RGS6: variants seen among roughly 807,000 people sequenced by gnomAD.
RGS6 encodes regulator of G-protein signaling 6.
A neutral mutation model predicts 78.5 loss-of-function variants in RGS6; 30 were observed. That is an observed-to-expected ratio of 0.38 (90% CI 0.29 to 0.52). The LOEUF (loss-of-function observed/expected upper bound fraction) is 0.52. Among genes scored for constraint, RGS6 ranks in the 20% least tolerant of loss-of-function variants. The probability of loss-of-function intolerance (pLI) is 0.85; values close to 1 mark genes in which losing one functional copy is unlikely to be tolerated. For missense variants in RGS6, 495 were observed against 609.7 expected (o/e 0.81, Z 1.98); for synonymous variants, 206 against 206.0 (o/e 1.00, Z 0.00).
intron 2 of RGS6, among the ~76,000 whole-genome samples, chr14:72,077,431 A>G (rs1449917871): frequency 6.6e-6 from 1 of 152,090 alleles, no homozygotes; most frequent in African/African-American, 2.4e-5. Flanking sequence ...TAAATGCTAA[A>G]TTTTATGTCA....
At chr14:71,952,180 A>G (rs2092384606) in intron 1 of RGS6, among the ~76,000 whole-genome samples, 1 of 152,160 alleles carries the variant, frequency 6.6e-6, no homozygotes, top group African/African-American at 2.4e-5. Context: ...GATAGTGAGC[A>G]TTCTTGTCTA....
intron 2 of RGS6, among the ~76,000 whole-genome samples, chr14:72,138,664 C>G (rs1362160513): frequency 6.6e-6 from 1 of 151,834 alleles, no homozygotes; most frequent in African/African-American, 2.4e-5. Flanking sequence ...ACAGTGACTC[C>G]CCATCACTCA....
At chr14:72,253,571 A>G (rs2056362437) in intron 2 of RGS6, among the ~76,000 whole-genome samples, 1 of 152,254 alleles carries the variant, frequency 6.6e-6, no homozygotes, top group South Asian at 2.1e-4. Context: ...TTATTTACAA[A>G]CACAGGTCTT....
At chr14:72,105,501 C>A (rs2095615081) in intron 2 of RGS6, among the ~76,000 whole-genome samples, 1 of 152,126 alleles carries the variant, frequency 6.6e-6, no homozygotes, top group South Asian at 2.1e-4. Flanking sequence ...ATTTGCATAA[C>A]CAAGTTTTTT....
chr14:72,574,060 T>A, the RGS6 span, among the ~76,000 whole-genome samples: 1 of 152,154 alleles, frequency 6.6e-6, no homozygotes, highest in Non-Finnish European at 1.5e-5. Context: ...CTATTAGCTA[T>A]CCAGACATGC....
upstream of RGS6, among the ~76,000 whole-genome samples, chr14:71,927,429 A>G (rs1225797753): frequency 6.6e-6 from 1 of 152,114 alleles, no homozygotes; most frequent in African/African-American, 2.4e-5. Flanking sequence ...TCCACTTCAC[A>G]TTGCAAAGAG....
At chr14:72,084,779 C>T (rs935392413) in intron 2 of RGS6, among the ~76,000 whole-genome samples, 1 of 151,530 alleles carries the variant, frequency 6.6e-6, no homozygotes, top group African/African-American at 2.4e-5. Context: ...ATATAAAAAA[C>T]GAAGACACTA....
chr14:72,509,915 G>T (rs1347893773), intron 13 of RGS6, among the ~76,000 whole-genome samples: 1 of 152,182 alleles, frequency 6.6e-6, no homozygotes, highest in Admixed American at 6.5e-5. Context: ...CATTTGAAGG[G>T]CATGCCGGCA....
At chr14:72,098,788 T>TC (rs1486478099) in intron 2 of RGS6, among the ~76,000 whole-genome samples, 1 of 152,210 alleles carries the variant, frequency 6.6e-6, no homozygotes, top group East Asian at 1.9e-4. Context: ...TACTGCATGT[T>TC]CTCCTCTTTC....
chr14:72,363,014 G>A (rs2081765968), intron 3 of RGS6, among the ~76,000 whole-genome samples: 1 of 152,206 alleles, frequency 6.6e-6, no homozygotes, highest in South Asian at 2.1e-4. Flanking sequence ...TGTGTGGTTG[G>A]AGTTTAAAAC....
the RGS6 span, among the ~76,000 whole-genome samples, chr14:71,909,574 C>CTTAG: frequency 5.9e-5 from 1 of 16,928 alleles, no homozygotes; most frequent in Admixed American, 6.2e-4. Context: ...GAAATAAGGA[C>CTTAG]ATAGAGAGAG....
At chr14:72,059,455 C>T (rs1342493990) in intron 2 of RGS6, among the ~76,000 whole-genome samples, 1 of 152,212 alleles carries the variant, frequency 6.6e-6, no homozygotes, top group Non-Finnish European at 1.5e-5. Flanking sequence ...TACTGGTGCG[C>T]TCTCATTTAA....
At chr14:72,559,400 A>G (rs1441628629) in intron 17 of RGS6, among the ~76,000 whole-genome samples, 1 of 152,226 alleles carries the variant, frequency 6.6e-6, no homozygotes, top group East Asian at 1.9e-4. Flanking sequence ...GCCCCGGGCC[A>G]GGCATCTACC....
intron 1 of RGS6, among the ~76,000 whole-genome samples, chr14:71,961,965 T>C (rs1320083605): frequency 1.3e-5 from 2 of 152,222 alleles, no homozygotes; most frequent in African/African-American, 4.8e-5. Flanking sequence ...CCAGCTTTAA[T>C]AGTCAATGAA....
At chr14:72,538,251 G>A (rs2097275959) in intron 16 of RGS6, among the ~76,000 whole-genome samples, 1 of 152,218 alleles carries the variant, frequency 6.6e-6, no homozygotes, top group African/African-American at 2.4e-5. Flanking sequence ...TAAAAGGTAT[G>A]TGAGATTCAC....
intron 2 of RGS6, among the ~76,000 whole-genome samples, chr14:72,242,171 C>A (rs1287062628): frequency 1.3e-5 from 2 of 151,998 alleles, no homozygotes; most frequent in Admixed American, 1.3e-4. Context: ...AATGAGTAAC[C>A]CACCGACTAG....
At chr14:72,587,607 G>T in the RGS6 span, among the ~76,000 whole-genome samples, 1 of 152,106 alleles carries the variant, frequency 6.6e-6, no homozygotes, top group African/African-American at 2.4e-5. Context: ...TCCTTGGAAA[G>T]GGTCCAACCT....
chr14:72,269,567 A>ATTTTTTTTTTTTTTTTTTTTTTT (rs56171281), intron 2 of RGS6, among the ~76,000 whole-genome samples: 1 of 120,334 alleles, frequency 8.3e-6, no homozygotes, highest in Non-Finnish European at 1.7e-5. Flanking sequence ...CCTATCTTAA[A>ATTTTTTTTTTTTTTTTTTTTTTT]TTTTTTTTTT....
intron 2 of RGS6, among the ~76,000 whole-genome samples, chr14:72,193,000 C>CTTT (rs1361609944): frequency 7.9e-6 from 1 of 126,046 alleles, no homozygotes; most frequent in African/African-American, 2.9e-5. Flanking sequence ...TTTTTTCTTT[C>CTTT]TTTTTTTTTT....
Sources: gnomAD v4.1 joint callset for allele counts (sites outside exome capture counted in the v4.1 genomes callset) on GRCh38, gnomAD v4.1.1 for gene constraint, MANE v1.5 for transcripts, NCBI Gene and HGNC (gene_info 2026-07-23, HGNC 2026-07-21) for gene names.